Variants in ATRNL1 observed in about 807,000 individuals in gnomAD.
ATRNL1 encodes the protein attractin like 1.
In ATRNL1, 95 loss-of-function variants were observed where a neutral mutation model predicts 182.7. The ratio of observed to expected loss-of-function variants is 0.52; its 90% confidence interval spans 0.44 to 0.62. The LOEUF (loss-of-function observed/expected upper bound fraction) is 0.62, where lower values mean the gene tolerates loss of function less well. ATRNL1 is among the 20% of genes least tolerant of loss of function. ATRNL1 has a pLI of 0.00. For missense variants in ATRNL1, 1,471 were observed against 1,679.5 expected (o/e 0.88, Z 2.17); for synonymous variants, 576 against 568.3 (o/e 1.01, Z -0.19).
chr10:115,449,817 A>G (rs1847197917), intron 21 of ATRNL1, among the ~76,000 whole-genome samples: 1 of 152,156 alleles, frequency 6.6e-6, no homozygotes, highest in Non-Finnish European at 1.5e-5. Flanking sequence ...TCATCCTCAT[A>G]CCAAAACCTG....
chr10:115,629,060 C>T (rs1858310150), intron 26 of ATRNL1, among the ~76,000 whole-genome samples: 1 of 151,864 alleles, frequency 6.6e-6, no homozygotes, highest in Non-Finnish European at 1.5e-5. Flanking sequence ...CATTCCATTA[C>T]TCTATATGTT....
At chr10:115,548,914 A>G (rs1291982239) in intron 25 of ATRNL1, among the ~76,000 whole-genome samples, 1 of 152,066 alleles carries the variant, frequency 6.6e-6, no homozygotes, top group Non-Finnish European at 1.5e-5. Context: ...ACATTGCCAA[A>G]TGATTGCCAA....
At chr10:115,532,326 C>T (rs1554988560) in intron 25 of ATRNL1, among the ~76,000 whole-genome samples, 1 of 152,086 alleles carries the variant, frequency 6.6e-6, no homozygotes, top group Non-Finnish European at 1.5e-5. Context: ...TTGTAGTTCT[C>T]CTTGAAGAGG....
intron 26 of ATRNL1, among the ~76,000 whole-genome samples, chr10:115,723,570 C>T (rs764589405): frequency 1.5e-4 from 11 of 75,130 alleles, no homozygotes; most frequent in Admixed American, 2.0e-4. Context: ...ATTTTTGAGA[C>T]GGAGTTTCGC....
At chr10:115,229,506 C>T (rs1849837641) in intron 9 of ATRNL1, among the ~76,000 whole-genome samples, 1 of 151,746 alleles carries the variant, frequency 6.6e-6, no homozygotes, top group African/African-American at 2.4e-5. Context: ...TGGAAATAAT[C>T]CTAAGTAGTT....
rs1196029422 is a variant in ATRNL1 at position 115,137,192 on chromosome 10, CA to C, written c.829+7666del. 1.1e-3 allele frequency among the ~76,000 whole-genome samples: 163 copies of C among 151,260 alleles called. 1 individual carries two copies. Among genetic ancestry groups the C allele is most frequent in the African/African-American group, 3.7e-3 (154 of 41,260 alleles). On this transcript the variant is annotated intron_variant, in intron 5 of 28. Coordinates refer to ENST00000355044, the MANE Select transcript of ATRNL1 (RefSeq NM_207303.4). ...GGGCAACAAGAATGAAAATCCATCTCAAAAAAAAATCTGAATGATGGGAGGT... is the reference window on the plus strand; with the variant it reads ...GGGCAACAAGAATGAAAATCCATCTCAAAAAAAATCTGAATGATGGGAGGT...
At chr10:115,877,173 T>C (rs1475486656) in intron 28 of ATRNL1, among the ~76,000 whole-genome samples, 1 of 152,242 alleles carries the variant, frequency 6.6e-6, no homozygotes, top group Non-Finnish European at 1.5e-5. Context: ...TTTATCTGAT[T>C]GAAGCTAGGA....
In ATRNL1 at chr10:115,171,223, G is replaced by A. The variant is rs782499111; in HGVS notation, c.1279G>A (p.Val427Ile). ...TATGGAGTTGGATAGTAGAGATGTT[G>A]TCATGATCATAATATTTGGATATTC... is the stretch of plus-strand genomic sequence containing the variant. ...HIMELDSRDV[V>I]MIIIFGYSAI... Residue 427 changes from valine to isoleucine, a missense_variant, in exon 8 of 29, where the codon GTC becomes ATC. Physicochemically the swap from Val to Ile is conservative, Grantham distance 29. Coordinates refer to ENST00000355044, the MANE Select transcript of ATRNL1 (RefSeq NM_207303.4). 1.3e-5 allele frequency: 21 copies of A among 1,610,206 alleles called. No homozygotes were observed. The highest frequency in any genetic ancestry group is 1.8e-5 in the Non-Finnish European group (21 of 1,177,490).
intron 26 of ATRNL1, among the ~76,000 whole-genome samples, chr10:115,597,323 T>C (rs1856306514): frequency 1.3e-5 from 2 of 152,132 alleles, no homozygotes; most frequent in South Asian, 4.1e-4. Flanking sequence ...ACAAAATTAT[T>C]GTTTTATGAA....
chr10:115,877,039 T>C (rs1951716012), intron 28 of ATRNL1, among the ~76,000 whole-genome samples: 1 of 152,224 alleles, frequency 6.6e-6, no homozygotes, highest in African/African-American at 2.4e-5. Flanking sequence ...TTGTGCTTTA[T>C]AAGCAATTGT....
chr10:115,574,282 A>G (rs1239182598), intron 26 of ATRNL1, among the ~76,000 whole-genome samples: 2 of 150,946 alleles, frequency 1.3e-5, no homozygotes, highest in African/African-American at 4.9e-5. Context: ...GTATATATCT[A>G]TAACTATGCA....
intron 7 of ATRNL1, among the ~76,000 whole-genome samples, chr10:115,166,098 T>C (rs79895734): frequency 1.2e-3 from 181 of 152,212 alleles, no homozygotes; most frequent in African/African-American, 4.1e-3. Flanking sequence ...CCAATCTACT[T>C]TTCTGTCTCT....
intron 26 of ATRNL1, among the ~76,000 whole-genome samples, chr10:115,619,331 C>T (rs1857599679): frequency 6.6e-6 from 1 of 152,162 alleles, no homozygotes; most frequent in Admixed American, 6.5e-5. Context: ...CTGGAAGGTC[C>T]ACTGTGAGCC....
At chr10:115,330,489 A>G (rs1855154795) in intron 18 of ATRNL1, among the ~76,000 whole-genome samples, 2 of 151,682 alleles carry the variant, frequency 1.3e-5, no homozygotes, top group Admixed American at 6.6e-5. Flanking sequence ...GGTTTTCTTC[A>G]GCTTTTGTTT....
At chr10:115,761,448 C>T (rs1555073613) in intron 27 of ATRNL1, among the ~76,000 whole-genome samples, 1 of 98,982 alleles carries the variant, frequency 1.0e-5, no homozygotes, top group Non-Finnish European at 2.0e-5. Context: ...ATGGTGGAGA[C>T]ACAAAAATCA....
At chr10:115,453,010 C>A (rs1847353062) in intron 21 of ATRNL1, among the ~76,000 whole-genome samples, 1 of 152,124 alleles carries the variant, frequency 6.6e-6, no homozygotes, top group Non-Finnish European at 1.5e-5. Context: ...TATGTTGTTG[C>A]AAATGGCAGA....
intron 26 of ATRNL1, among the ~76,000 whole-genome samples, chr10:115,553,906 T>A (rs1853152716): frequency 6.6e-6 from 1 of 151,466 alleles, no homozygotes; most frequent in Non-Finnish European, 1.5e-5. Context: ...GTAGCAGTGT[T>A]TTATAAATTA....
chr10:115,324,573 A>T (rs1554932580), intron 18 of ATRNL1, among the ~76,000 whole-genome samples: 6 of 152,200 alleles, frequency 3.9e-5, no homozygotes. Flanking sequence ...CAAATATATG[A>T]TGTGAATTTA....
intron 21 of ATRNL1, among the ~76,000 whole-genome samples, chr10:115,437,455 A>G (rs1355531234): frequency 2.0e-5 from 3 of 151,982 alleles, no homozygotes; most frequent in Non-Finnish European, 4.4e-5. Flanking sequence ...TTATTTTTTG[A>G]GGCATCTTCC....
Sources: gnomAD v4.1 joint callset for allele counts (sites outside exome capture counted in the v4.1 genomes callset) on GRCh38, gnomAD v4.1.1 for gene constraint, MANE v1.5 for transcripts, NCBI Gene and HGNC (gene_info 2026-07-23, HGNC 2026-07-21) for gene names.